The following EPB41L4A variants were observed in gnomAD, a reference collection of about 807,000 sequenced individuals.
EPB41L4A encodes the protein band 4.1-like protein 4A.
Under a neutral mutation model 108.6 loss-of-function variants are expected in EPB41L4A, and 100 were observed. That is an observed-to-expected ratio of 0.92 (90% CI 0.78 to 1.09). EPB41L4A has a LOEUF of 1.09. Among genes scored for constraint, EPB41L4A ranks in the 50% least tolerant of loss-of-function variants. The probability of loss-of-function intolerance (pLI) is 0.00; values close to 1 mark genes in which losing one functional copy is unlikely to be tolerated. For missense variants in EPB41L4A, 1,030 were observed against 842.7 expected, an observed-to-expected ratio of 1.22 and a Z score of -2.75; for synonymous variants, 319 against 289.0, an observed-to-expected ratio of 1.10 and a Z score of -1.05.
At position 112,169,013 on chromosome 5, in the gene EPB41L4A, G is replaced by A; in HGVS notation, c.1832C>T (p.Ser611Leu). The A allele has an allele frequency of 1.9e-6, 3 of 1,613,508 alleles. No homozygotes were observed. Among genetic ancestry groups the A allele is most frequent in the Non-Finnish European group, 2.5e-6 (3 of 1,179,432 alleles). The part of the protein sequence containing the change: ...RRSQCSDGER[S>L]VLSEVNSKTD... ...CACTTACTTCACTTCCGAGAGAACT[G>A]ATCGCTCCCCATCTGAACACTGGGA... Residue 611 changes from serine to leucine, a missense_variant, in exon 21 of 23, where the codon TCA (serine) becomes TTA (leucine). By Grantham distance (145) the Ser-to-Leu change is moderately radical. Transcript: ENST00000261486.
chr5:112,406,444 T>A (rs1005245160), intron 1 of EPB41L4A, among the ~76,000 whole-genome samples: 1 of 152,138 alleles, frequency 6.6e-6, no homozygotes, highest in Non-Finnish European at 1.5e-5. Context: ...AAAATTAAAA[T>A]GCAGTGCAAT....
At chr5:112,383,856 T>A (rs1176232479) in intron 1 of EPB41L4A, among the ~76,000 whole-genome samples, 1 of 152,100 alleles carries the variant, frequency 6.6e-6, no homozygotes, top group Non-Finnish European at 1.5e-5. Context: ...TATCTGTCAA[T>A]AAATAAACAA....
At position 112,418,966 on chromosome 5, in the gene EPB41L4A, A is replaced by AGGGTTAACTTGGATT. The variant is rs1215076602; in HGVS notation, c.59_73dup (p.Thr24_Leu25insGlnSerLysLeuThr). ...CTTGATGCCCTGCTGCTGGGTGGTA[A>AGGGTTAACTTGGATT]GGGTTAACTTGGATTCATCCAGGAG... On this transcript the variant is annotated inframe_insertion, in exon 1 of 23. Transcript: ENST00000261486. 3 of 1,612,968 alleles carry AGGGTTAACTTGGATT rather than the reference A, an allele frequency of 1.9e-6. No individual in the cohort carries two copies. Among genetic ancestry groups the AGGGTTAACTTGGATT allele is most frequent in the African/African-American group, 1.3e-5 (1 of 74,774 alleles).
At chr5:112,325,223 C>T (rs1303173934) in intron 1 of EPB41L4A, among the ~76,000 whole-genome samples, 4 of 152,104 alleles carry the variant, frequency 2.6e-5, no homozygotes, top group South Asian at 2.1e-4. Flanking sequence ...GGGCAGATCA[C>T]GAGGTCAGGA....
intron 4 of EPB41L4A, among the ~76,000 whole-genome samples, chr5:112,274,866 C>A (rs1752512222): frequency 6.6e-6 from 1 of 152,060 alleles, no homozygotes; most frequent in Non-Finnish European, 1.5e-5. Flanking sequence ...ATACTAAAAG[C>A]AAAATTATCT....
At chr5:112,390,034 A>G (rs747053983) in intron 1 of EPB41L4A, among the ~76,000 whole-genome samples, 6 of 152,226 alleles carry the variant, frequency 3.9e-5, no homozygotes, top group Non-Finnish European at 8.8e-5. Flanking sequence ...TGCCTACACA[A>G]TATGAAAAAT....
At position 112,418,284 on chromosome 5, in the gene EPB41L4A, C is replaced by G. The variant is rs77988103; in HGVS notation, c.99+657G>C. On this transcript the variant is annotated intron_variant, in intron 1 of 22. Coordinates refer to ENST00000261486, the MANE Select transcript of EPB41L4A (RefSeq NM_022140.5). ...GTAAGGAAGAGGATCTCTGCGAGCT[C>G]TGCTGCCTTTTTGTTTGGGCTCTCT... Among the ~76,000 whole-genome samples the G allele has an allele frequency of 1.0e-3, 158 of 152,348 alleles. 3 individuals carry two copies. In the East Asian group the frequency reaches 0.019, roughly 18 times the overall value.
chr5:112,229,302 A>G (rs955359460), intron 12 of EPB41L4A, among the ~76,000 whole-genome samples: 1 of 152,224 alleles, frequency 6.6e-6, no homozygotes, highest in African/African-American at 2.4e-5. Flanking sequence ...TACATCAGAA[A>G]CCACATGGCC....
intron 2 of EPB41L4A, among the ~76,000 whole-genome samples, chr5:112,297,716 G>A (rs973521503): frequency 4.6e-5 from 7 of 152,174 alleles, no homozygotes; most frequent in Non-Finnish European, 1.0e-4. Context: ...CTAAGCCAAT[G>A]TCTAGAAGGG....
intron 1 of EPB41L4A, among the ~76,000 whole-genome samples, chr5:112,323,887 T>G (rs1352980893): frequency 6.6e-6 from 1 of 152,214 alleles, no homozygotes; most frequent in Non-Finnish European, 1.5e-5. Context: ...ATTAGATTTC[T>G]CAAATGCAAC....
At chr5:112,265,769 C>T (rs1751806378) in intron 5 of EPB41L4A, among the ~76,000 whole-genome samples, 1 of 152,180 alleles carries the variant, frequency 6.6e-6, no homozygotes, top group African/African-American at 2.4e-5. Context: ...CCACCCCACA[C>T]AGCCACCGTA....
intron 1 of EPB41L4A, among the ~76,000 whole-genome samples, chr5:112,400,350 C>G (rs368335764): frequency 3.9e-5 from 6 of 152,068 alleles, no homozygotes; most frequent in African/African-American, 1.2e-4. Flanking sequence ...GTGAGATTTG[C>G]GTAGGGACAC....
intron 12 of EPB41L4A, among the ~76,000 whole-genome samples, chr5:112,149,158 A>T (rs1231725673): frequency 6.6e-6 from 1 of 152,188 alleles, no homozygotes; most frequent in Admixed American, 6.5e-5. Flanking sequence ...TCAGGTTCCC[A>T]AAGAATTAGA....
intron 7 of EPB41L4A, among the ~76,000 whole-genome samples, chr5:112,261,818 G>T (rs1031203867): frequency 6.6e-6 from 1 of 151,144 alleles, no homozygotes; most frequent in African/African-American, 2.4e-5. Flanking sequence ...TTTATGTTTT[G>T]CTGCCATAAA....
At chr5:112,268,334 C>A (rs563459498) in intron 4 of EPB41L4A, among the ~76,000 whole-genome samples, 2 of 152,036 alleles carry the variant, frequency 1.3e-5, no homozygotes, top group Non-Finnish European at 2.9e-5. Context: ...GCTGAGATTG[C>A]GCCACTGCAC....
chr5:112,392,449 A>G (rs1200379256), intron 1 of EPB41L4A, among the ~76,000 whole-genome samples: 2 of 150,042 alleles, frequency 1.3e-5, no homozygotes, highest in South Asian at 2.1e-4. Flanking sequence ...CCTAGTCTCT[A>G]ATAAAACAGA....
At chr5:112,403,500 C>T (rs1288080663) in intron 1 of EPB41L4A, among the ~76,000 whole-genome samples, 1 of 152,130 alleles carries the variant, frequency 6.6e-6, no homozygotes, top group Non-Finnish European at 1.5e-5. Flanking sequence ...TCTTTAGAGA[C>T]AGGGTCTCAC....
chr5:112,240,613 A>C (rs1749706078), intron 10 of EPB41L4A, 106 bp downstream of exon 10: 2 of 627,954 alleles, frequency 3.2e-6, no homozygotes, highest in Non-Finnish European at 5.4e-6. Context: ...AAAATTAATA[A>C]AAGGGAAACA....
chr5:112,291,883 A>G (rs566537299), intron 2 of EPB41L4A, among the ~76,000 whole-genome samples: 3 of 152,290 alleles, frequency 2.0e-5, no homozygotes, highest in Admixed American at 1.3e-4. Flanking sequence ...AAGCTGCTCT[A>G]GCAAATTAAT....
Sources: gnomAD v4.1 joint callset for allele counts (sites outside exome capture counted in the v4.1 genomes callset) on GRCh38, gnomAD v4.1.1 for gene constraint, MANE v1.5 for transcripts, NCBI Gene and HGNC (gene_info 2026-07-23, HGNC 2026-07-21) for gene names.